The following SI variants were observed in gnomAD, a reference collection of about 807,000 sequenced individuals.
SI encodes sucrase-isomaltase, intestinal.
SI carries 235 observed loss-of-function variants against 253.3 expected under a neutral mutation model. The observed-to-expected ratio is 0.93, with a 90% confidence interval of 0.83 to 1.03. The LOEUF (loss-of-function observed/expected upper bound fraction) is 1.03, where lower values mean the gene tolerates loss of function less well. Ranked by LOEUF, SI falls within the 50% of genes least tolerant of loss-of-function variation. The probability of loss-of-function intolerance (pLI) is 0.00; values close to 1 mark genes in which losing one functional copy is unlikely to be tolerated. For missense variants in SI, 2,442 were observed against 2,211.1 expected (o/e 1.10, Z -2.09); for synonymous variants, 819 against 712.0 (o/e 1.15, Z -2.39).
chr3:165,010,810 C>G (rs1014485311), intron 34 of SI, among the ~76,000 whole-genome samples: 1 of 152,148 alleles, frequency 6.6e-6, no homozygotes, highest in Admixed American at 6.5e-5. Flanking sequence ...TCTGCATAAG[C>G]CATTCTACGT....
chr3:165,031,368 ATATT>A (rs1472417255), intron 24 of SI, among the ~76,000 whole-genome samples: 1 of 147,746 alleles, frequency 6.8e-6, no homozygotes, highest in Admixed American at 6.8e-5. Flanking sequence ...TAATATATAT[ATATT>A]TATAAGCATA....
chr3:165,085,595 C>T, the SI span, among the ~76,000 whole-genome samples: 13 of 152,126 alleles, frequency 8.5e-5, no homozygotes, highest in South Asian at 2.3e-3. Context: ...TCTAACCTAT[C>T]GGTATGTTAA....
At chr3:165,034,116 A>G (rs1267690637) in intron 22 of SI, among the ~76,000 whole-genome samples, 2 of 151,782 alleles carry the variant, frequency 1.3e-5, no homozygotes, top group Non-Finnish European at 1.5e-5. Flanking sequence ...CATAACATTA[A>G]TTTGCTTAAA....
At chr3:165,023,853 T>A in intron 25 of SI, 77 bp from the exon 26 acceptor site, 1 of 956,252 alleles carries the variant, frequency 1.0e-6, no homozygotes, top group Non-Finnish European at 1.7e-6. Flanking sequence ...ATACTGACGT[T>A]TAGTCACACA....
chr3:164,994,473 T>A, intron 40 of SI, 68 bp from the exon 41 acceptor site: 1 of 1,523,894 alleles, frequency 6.6e-7, no homozygotes, highest in South Asian at 1.1e-5. Context: ...TTCATATTCA[T>A]ATTTGAAGAA....
chr3:165,064,183 C>G (rs1010435047), intron 7 of SI, among the ~76,000 whole-genome samples: 1 of 151,996 alleles, frequency 6.6e-6, no homozygotes, highest in Non-Finnish European at 1.5e-5. Flanking sequence ...ACTGCAGGAG[C>G]TTCCAAAATG....
Position 165,030,883 on chromosome 3 carries a change from A to AG in SI, c.2737-17_2737-16insC, listed in dbSNP as rs763673204. The AG allele has an allele frequency of 5.2e-6, 8 of 1,540,048 alleles. No individual in the cohort carries two copies. Among genetic ancestry groups the AG allele is most frequent in the Admixed American group, 2.1e-5 (1 of 47,300 alleles). On this transcript the variant is annotated splice_polypyrimidine_tract_variant and intron_variant, in intron 24 of 47. Transcript: ENST00000264382. ...TTAGGAGAACCTTTGAAGACAAAAA[A>AG]AAAAAAAGAAAAAAAGAAAAAAAAA...
At chr3:165,059,384 T>G (rs1390277872) in intron 10 of SI, 85 bp from the exon 11 acceptor site, 1 of 1,281,708 alleles carries the variant, frequency 7.8e-7, no homozygotes, top group Non-Finnish European at 1.1e-6. Context: ...TGAACGTGTA[T>G]TATAAACATA....
In SI at chr3:165,019,732, T is replaced by G. The variant is rs121912611; in HGVS notation, c.3293A>C (p.Gln1098Pro). Residue 1098 changes from glutamine (Q) to proline (P), a missense_variant, in exon 28 of 48, where the codon CAG (glutamine) becomes CCG (proline). Gln to Pro is a moderately conservative substitution (Grantham distance 76). Transcript: ENST00000264382. ...CAGGCGAGTCGATATTTGAATGAAC[T>G]GGTCATTAAAAGCAAATCCAGGCAG... ...SWLPGFAFND[Q>P]FIQISTRLPS... The G allele has an allele frequency of 2.5e-5, 40 of 1,612,368 alleles. No individual in the cohort carries two copies. Among genetic ancestry groups the G allele is most frequent in the Non-Finnish European group, 3.4e-5 (40 of 1,178,882 alleles).
intron 41 of SI, 98 bp from the exon 42 acceptor site, chr3:164,992,495 T>C (rs138675001): frequency 2.4e-6 from 2 of 828,532 alleles, no homozygotes; most frequent in African/African-American, 3.5e-5. Flanking sequence ...GTATGGACTT[T>C]TGTGGATTAA....
the SI span, among the ~76,000 whole-genome samples, chr3:165,088,052 TA>T: frequency 6.6e-6 from 1 of 152,024 alleles, no homozygotes; most frequent in East Asian, 1.9e-4. Flanking sequence ...AAAATTAAAA[TA>T]AAAAATAAAG....
rs1439000676 is a variant in SI at position 165,042,985 on chromosome 3, GATTTA to G, written c.2004+69_2004+73del. On this transcript the variant is annotated intron_variant, in intron 17 of 47. Coordinates refer to ENST00000264382, the MANE Select transcript of SI (RefSeq NM_001041.4). ...AATCTTTCAGACCATATACTCTATA[GATTTA>G]ATTTAAGTACATTAATAAAAACTAT... 4.4e-5 allele frequency: 40 copies of G among 910,976 alleles called. No homozygotes were observed. The Middle Eastern group carries it at 2.0e-3, about 46-fold the overall frequency. The allele number at this position is 910,976 out of a possible 1,614,324, so 56.4% of individuals were successfully genotyped here.
At chr3:165,036,270 A>T in intron 22 of SI, 119 bp downstream of exon 22, 1 of 709,430 alleles carries the variant, frequency 1.4e-6, no homozygotes, top group Non-Finnish European at 2.5e-6. Flanking sequence ...CAGATAAAAA[A>T]CATTAGGAAT....
At chr3:165,029,210 C>A (rs1435209065) in intron 25 of SI, among the ~76,000 whole-genome samples, 6 of 150,718 alleles carry the variant, frequency 4.0e-5, no homozygotes, top group Non-Finnish European at 8.9e-5. Context: ...CAGGTAAATG[C>A]AAATTAAAAC....
At chr3:165,082,782 T>A (rs920763668), upstream of SI, among the ~76,000 whole-genome samples, 4 of 151,996 alleles carry the variant, frequency 2.6e-5, no homozygotes, top group African/African-American at 9.7e-5. Flanking sequence ...TCCATATCAA[T>A]TCTCCCTTAT....
At chr3:164,982,465 A>G (rs1717237950) in intron 46 of SI, 55 bp from the exon 47 acceptor site, 2 of 1,366,832 alleles carry the variant, frequency 1.5e-6, no homozygotes, top group African/African-American at 1.4e-5. Flanking sequence ...AAGCAATTAA[A>G]ACTTTAAAAA....
chr3:165,043,195 A>G lies in SI; in HGVS notation c.1888-20T>C, dbSNP rs1157313047. On this transcript the variant is annotated intron_variant, in intron 16 of 47. Transcript: ENST00000264382. ...TCCAACCTAAATAACAAATATATTT[A>G]CTATTTATAATGTTAAGATTCTCAA... The G allele has an allele frequency of 1.3e-6, 2 of 1,492,486 alleles. No individual in the cohort carries two copies. The highest frequency in any genetic ancestry group is 2.3e-5 in the South Asian group (2 of 87,530). The allele number at this position is 1,492,486 out of a possible 1,614,324, so 92.5% of individuals were successfully genotyped here.
At chr3:165,019,801 G>A (rs1324556064) in intron 27 of SI, 31 bp from the exon 28 acceptor site, 2 of 1,594,562 alleles carry the variant, frequency 1.3e-6, no homozygotes, top group South Asian at 1.1e-5. Context: ...AGCTATGTCT[G>A]TCAAAATATA....
chr3:165,065,355 A>G lies in SI; in HGVS notation c.713T>C (p.Ile238Thr), dbSNP rs2108258544. 5.6e-6 allele frequency: 9 copies of G among 1,595,666 alleles called. No homozygotes were observed. The highest frequency in any genetic ancestry group is 7.7e-6 in the Non-Finnish European group (9 of 1,164,898). The change falls in exon 7 of 48, where the codon ATT becomes ACT. Residue 238 changes from isoleucine to threonine, a missense_variant. Coordinates refer to ENST00000264382, the MANE Select transcript of SI (RefSeq NM_001041.4). ...QISTRLPSDY[I>T]YGIGEQVHKR... ...ATGAACTTGTTCTCCAATACCATAA[A>G]TATAATCACTTGGAAGACGGGTTGA...
Sources: allele counts gnomAD v4.1 joint callset (sites outside exome capture counted in the v4.1 genomes callset), GRCh38; gene constraint gnomAD v4.1.1; transcripts MANE v1.5; gene names NCBI Gene and HGNC (gene_info 2026-07-23, HGNC 2026-07-21).